The following BDP1 variants were observed in gnomAD, a reference collection of about 807,000 sequenced individuals.
BDP1 encodes the protein BDP1 general transcription factor IIIB subunit.
A neutral mutation model predicts 266.6 loss-of-function variants in BDP1; 169 were observed. The observed-to-expected ratio is 0.63, with a 90% confidence interval of 0.56 to 0.72. The LOEUF (loss-of-function observed/expected upper bound fraction) is 0.72. Ranked by LOEUF, BDP1 falls within the 30% of genes least tolerant of loss-of-function variation. BDP1 has a pLI of 0.00. For synonymous variants in BDP1, 1,090 were observed against 1,022.4 expected, an observed-to-expected ratio of 1.07 and a Z score of -1.26; for missense variants, 3,015 against 3,053.8, an observed-to-expected ratio of 0.99 and a Z score of 0.30.
Position 71,480,156 on chromosome 5 carries a change from G to T in BDP1, c.1015-3686G>T, listed in dbSNP as rs1762857653. On this transcript the variant is annotated intron_variant, in intron 7 of 38. Transcript: ENST00000358731. ...AGACGGAGTCTCACTCTGTCGCCAG[G>T]CTGGAGTGCAGTGGTGCTGTCTCAA... Among the ~76,000 whole-genome samples the T allele has an allele frequency of 3.3e-5, 5 of 150,142 alleles. No individual in the cohort carries two copies. In the South Asian group the frequency reaches 1.1e-3, roughly 32 times the overall value.
chr5:71,483,088 G>C (rs1763055083), intron 7 of BDP1, among the ~76,000 whole-genome samples: 2 of 152,116 alleles, frequency 1.3e-5, no homozygotes, highest in South Asian at 4.2e-4. Flanking sequence ...TGTTTTATGT[G>C]ATATTCTCTC....
At chr5:71,543,148 G>T (rs992266159) in intron 30 of BDP1, among the ~76,000 whole-genome samples, 2 of 152,216 alleles carry the variant, frequency 1.3e-5, no homozygotes, top group African/African-American at 4.8e-5. Context: ...AGGCATGGTG[G>T]TGCATGTCTG....
chr5:71,491,686 C>T (rs1347916445), intron 11 of BDP1, among the ~76,000 whole-genome samples: 1 of 152,010 alleles, frequency 6.6e-6, no homozygotes, highest in Non-Finnish European at 1.5e-5. Context: ...CCTCCCAGCC[C>T]TTGGCAATCA....
chr5:71,522,149 T>G (rs1407828332), intron 22 of BDP1, 140 bp from the exon 23 acceptor site: 4 of 637,920 alleles, frequency 6.3e-6, no homozygotes, highest in Admixed American at 3.2e-5. Flanking sequence ...TCATTTTACA[T>G]GCTTGATTTT....
intron 38 of BDP1, among the ~76,000 whole-genome samples, chr5:71,563,656 T>G (rs1743834449): frequency 3.3e-5 from 5 of 152,216 alleles, no homozygotes; most frequent in Admixed American, 2.6e-4. Context: ...CTCACGCCTG[T>G]AATCCCAGCA....
In BDP1 at chr5:71,560,233, T is replaced by G; in HGVS notation, c.7492T>G (p.Ser2498Ala). The change falls in exon 37 of 39, where the codon TCC becomes GCC. Residue 2498 changes from serine (S) to alanine (A), a missense_variant. Physicochemically the swap from Ser to Ala is moderately conservative, Grantham distance 99 (BLOSUM62 1). Coordinates refer to ENST00000358731, the MANE Select transcript of BDP1 (RefSeq NM_018429.3). Reference sequence around the variant, plus strand: ...AACATCGTCTTCTAAAGCCTCACTATCCAGGTATCATGAACAAATCTTTAA... The same window carrying G: ...AACATCGTCTTCTAAAGCCTCACTAGCCAGGTATCATGAACAAATCTTTAA... ...SRTSSSKASL[S>A]RPGRRPLGFL... 1 of 1,613,686 alleles carries G rather than the reference T, an allele frequency of 6.2e-7. No individual in the cohort carries two copies. The highest frequency in any genetic ancestry group is 8.5e-7 in the Non-Finnish European group (1 of 1,179,822).
At chr5:71,573,117 T>C in the BDP1 span, among the ~76,000 whole-genome samples, 1 of 151,768 alleles carries the variant, frequency 6.6e-6, no homozygotes, top group South Asian at 2.1e-4. Context: ...TAGTCCCAGC[T>C]ACTCAGGAGG....
intron 34 of BDP1, among the ~76,000 whole-genome samples, chr5:71,551,012 G>A (rs1274323504): frequency 6.6e-6 from 1 of 151,716 alleles, no homozygotes; most frequent in East Asian, 1.9e-4. Flanking sequence ...GGACTAGAAG[G>A]GACATTTTAG....
intron 34 of BDP1, 102 bp from the exon 35 acceptor site, chr5:71,553,014 C>A: frequency 2.0e-6 from 2 of 981,354 alleles, no homozygotes; most frequent in Non-Finnish European, 3.0e-6. Flanking sequence ...AATACCTCAG[C>A]CTTTAACTTT....
rs186991091 is a variant in BDP1 at position 71,497,983 on chromosome 5, C to T, written c.1956+557C>T. ...TTTTTTTTTTTTTGAGACGGAGTCT[C>T]ACTGTCTCCCAGGCTGGAGTGCAGT... is the stretch of plus-strand genomic sequence containing the variant. On this transcript the variant is annotated intron_variant, in intron 13 of 38. Coordinates refer to ENST00000358731, the MANE Select transcript of BDP1 (RefSeq NM_018429.3). 3.4e-3 allele frequency among the ~76,000 whole-genome samples: 510 copies of T among 151,358 alleles called. 2 individuals carry two copies. The highest frequency in any genetic ancestry group is 0.011 in the African/African-American group (470 of 41,244).
In BDP1 at chr5:71,507,187, A is replaced by T. The variant is rs550494616; in HGVS notation, c.2373-2278A>T. Among the ~76,000 whole-genome samples, 6 of 152,308 alleles carry T rather than the reference A, an allele frequency of 3.9e-5. No homozygotes were observed. In the South Asian group the frequency reaches 8.3e-4, roughly 21 times the overall value. On this transcript the variant is annotated intron_variant, in intron 16 of 38. Transcript: ENST00000358731. ...AACACATATGCAGACCTTAAAGCAC[A>T]TTTATAGTTTTGTGCTCATTCCATA...
rs571095932 is a variant in BDP1 at position 71,498,644 on chromosome 5, G to A, written c.1956+1218G>A. Among the ~76,000 whole-genome samples the A allele has an allele frequency of 2.6e-3, 391 of 148,054 alleles. 2 individuals carry two copies. The highest frequency in any genetic ancestry group is 9.3e-3 in the African/African-American group (375 of 40,138). On this transcript the variant is annotated intron_variant, in intron 13 of 38. Coordinates refer to ENST00000358731, the MANE Select transcript of BDP1 (RefSeq NM_018429.3). ...TCACCTTGTTGGCCAGGCTGGTCTC[G>A]AACTCCTGACCTCATGTGATCCACC...
At chr5:71,513,094 TG>T in intron 18 of BDP1, 90 bp from the exon 19 acceptor site, 1 of 738,118 alleles carries the variant, frequency 1.4e-6, no homozygotes, top group Non-Finnish European at 2.2e-6. Flanking sequence ...AAAAATTAAA[TG>T]TTTACCGCCA....
downstream of BDP1, among the ~76,000 whole-genome samples, chr5:71,571,571 A>G (rs139383859): frequency 6.6e-6 from 1 of 152,278 alleles, no homozygotes; most frequent in East Asian, 1.9e-4. Flanking sequence ...GAGCATCAGA[A>G]TCACCTTGGA....
chr5:71,533,448 CT>C (rs1023144538), intron 26 of BDP1, among the ~76,000 whole-genome samples: 123 of 142,700 alleles, frequency 8.6e-4, no homozygotes, highest in African/African-American at 1.7e-3. Context: ...TGTTATTTCA[CT>C]TTTTTTTTTG....
At chr5:71,559,618 G>A (rs940906656) in intron 36 of BDP1, among the ~76,000 whole-genome samples, 5 of 152,150 alleles carry the variant, frequency 3.3e-5, no homozygotes, top group African/African-American at 1.2e-4. Context: ...GAGACCACAG[G>A]TACTTGAGTT....
At position 71,529,126 on chromosome 5, in the gene BDP1, T is replaced by C. The variant is rs1766079739; in HGVS notation, c.5773-3182T>C. Among the ~76,000 whole-genome samples, 3 of 152,328 alleles carry C rather than the reference T, an allele frequency of 2.0e-5. No homozygotes were observed. In the South Asian group the frequency reaches 6.2e-4, roughly 32 times the overall value. On this transcript the variant is annotated intron_variant, in intron 25 of 38. Transcript: ENST00000358731. ...AAGCATTGAGGCCAGGCACGGTGGC[T>C]CACACCTGTAATCCTAGCACTTTGG...
intron 17 of BDP1, 106 bp downstream of exon 17, chr5:71,511,257 C>G (rs1764904300): frequency 9.1e-7 from 1 of 1,099,600 alleles, no homozygotes; most frequent in African/African-American, 1.6e-5. Context: ...TTAAAAATCT[C>G]TAAAAGTCTA....
At chr5:71,492,824 C>T (rs1262119298) in intron 11 of BDP1, among the ~76,000 whole-genome samples, 1 of 152,152 alleles carries the variant, frequency 6.6e-6, no homozygotes, top group Non-Finnish European at 1.5e-5. Context: ...AAACTTAAAG[C>T]TGTTTACTAT....
Sources: allele counts gnomAD v4.1 joint callset (sites outside exome capture counted in the v4.1 genomes callset), GRCh38; gene constraint gnomAD v4.1.1; transcripts MANE v1.5; gene names NCBI Gene and HGNC (gene_info 2026-07-23, HGNC 2026-07-21).